C2CD2: variants seen among roughly 807,000 people sequenced by gnomAD.
C2CD2 encodes the protein C2 domain-containing protein 2.
A neutral mutation model predicts 74.3 loss-of-function variants in C2CD2; 43 were observed. That is an observed-to-expected ratio of 0.58 (90% CI 0.45 to 0.75). The LOEUF (loss-of-function observed/expected upper bound fraction) is 0.75. C2CD2 is among the 30% of genes least tolerant of loss of function. C2CD2 has a pLI of 0.00. For synonymous variants in C2CD2, 422 were observed against 390.7 expected (o/e 1.08, Z -0.94); for missense variants, 801 against 916.3 (o/e 0.87, Z 1.63).
At chr21:41,914,474 C>T (rs918607259) in intron 6 of C2CD2, 124 bp downstream of exon 6, 2 of 702,030 alleles carry the variant, frequency 2.8e-6, no homozygotes, top group Non-Finnish European at 4.5e-6. Flanking sequence ...GCAACCGTGG[C>T]AGGGCTCCCG....
chr21:41,934,200 G>A (rs534923629), intron 2 of C2CD2, among the ~76,000 whole-genome samples: 36 of 152,300 alleles, frequency 2.4e-4, no homozygotes, highest in African/African-American at 6.7e-4. Flanking sequence ...GGCAGAAGAC[G>A]ATGGATTACT....
chr21:41,919,942 G>A (rs368727189), intron 3 of C2CD2, among the ~76,000 whole-genome samples: 3 of 152,288 alleles, frequency 2.0e-5, no homozygotes, highest in East Asian at 1.9e-4. Flanking sequence ...CCTGAAGAGT[G>A]GGGGAGCACG....
chr21:41,903,674 C>T lies in C2CD2; in HGVS notation c.1433-1925G>A, dbSNP rs149976073. Among the ~76,000 whole-genome samples the T allele has an allele frequency of 1.2e-4, 18 of 152,116 alleles. No individual in the cohort carries two copies. Among genetic ancestry groups the T allele is most frequent in the Non-Finnish European group, 1.8e-4 (12 of 68,008 alleles). ...CCCAAAGCCACCAAGGGAGACGTGTCGGGAGCACGTCCTCCTCACGCCAGG... is the reference window on the plus strand; with the variant it reads ...CCCAAAGCCACCAAGGGAGACGTGTTGGGAGCACGTCCTCCTCACGCCAGG... On this transcript the variant is annotated intron_variant, in intron 11 of 13. Coordinates refer to ENST00000380486, the MANE Select transcript of C2CD2 (RefSeq NM_015500.2). This position sits in a 1 kb window ranked among gnomAD's most constrained non-coding sequence, Gnocchi z 4.5.
At chr21:41,928,475 C>A (rs1324425505) in intron 2 of C2CD2, among the ~76,000 whole-genome samples, 1 of 143,062 alleles carries the variant, frequency 7.0e-6, no homozygotes, top group African/African-American at 2.6e-5. Context: ...AATTTCACAA[C>A]CTGTTAGCAT....
chr21:41,937,974 T>C (rs2065322204), intron 2 of C2CD2, among the ~76,000 whole-genome samples: 2 of 152,158 alleles, frequency 1.3e-5, no homozygotes, highest in Non-Finnish European at 2.9e-5. Flanking sequence ...CGGGGAGGTA[T>C]TGGTTAAAGG....
rs552172662 is a variant in C2CD2 at position 41,920,856 on chromosome 21, T to A, written c.492+1116A>T. ...CTTCATTTGTGTTTGTGATCCTCTC[T>A]GGTCTCATTCAGTTCCAAAACATGC... On this transcript the variant is annotated intron_variant, in intron 3 of 13. Transcript: ENST00000380486. Among the ~76,000 whole-genome samples the A allele has an allele frequency of 2.0e-5, 3 of 152,394 alleles. No individual in the cohort carries two copies. In the South Asian group the frequency reaches 6.2e-4, roughly 32 times the overall value.
intron 2 of C2CD2, among the ~76,000 whole-genome samples, chr21:41,940,883 G>A (rs764244963): frequency 2.0e-4 from 31 of 152,200 alleles, no homozygotes; most frequent in Non-Finnish European, 3.4e-4. Context: ...ATTTCTCCAT[G>A]TGGAGCTGGC....
At chr21:41,951,044 G>A (rs912898988) in intron 1 of C2CD2, among the ~76,000 whole-genome samples, 1 of 152,164 alleles carries the variant, frequency 6.6e-6, no homozygotes, top group African/African-American at 2.4e-5. Flanking sequence ...TGGGAATGGA[G>A]GTGGGGGAGG....
Position 41,926,518 on chromosome 21 carries a change from A to C in C2CD2, c.379-4433T>G. On this transcript the variant is annotated intron_variant, in intron 2 of 13. Transcript: ENST00000380486. This position sits in a 1 kb window ranked among gnomAD's most constrained non-coding sequence, Gnocchi z 8.0. ...AGGCTGAGCGGGGAGGCCTTCATTC[A>C]CCTTCTCGGTGCTCTCTCCAGCCTC... 1.4e-6 allele frequency: 1 copy of C among 702,206 alleles called. No homozygotes were observed. Among genetic ancestry groups the C allele is most frequent in the Non-Finnish European group, 1.7e-6 (1 of 572,254 alleles). The allele number at this position is 702,206 out of a possible 1,614,324, so 43.5% of individuals were successfully genotyped here. A position where few individuals can be genotyped will look rare whatever the true frequency, so the allele number is the denominator to read the frequency against.
intron 11 of C2CD2, among the ~76,000 whole-genome samples, chr21:41,904,749 C>T (rs569598667): frequency 6.6e-6 from 1 of 152,314 alleles, no homozygotes; most frequent in South Asian, 2.1e-4. Context: ...CCCCTGACTG[C>T]CCCACCTTGC....
intron 10 of C2CD2, among the ~76,000 whole-genome samples, chr21:41,906,521 A>T (rs932035277): frequency 3.3e-5 from 5 of 152,078 alleles, no homozygotes; most frequent in African/African-American, 1.2e-4. Flanking sequence ...ACGTGCCACC[A>T]CGCCCAGTTA....
intron 1 of C2CD2, among the ~76,000 whole-genome samples, chr21:41,944,270 T>C (rs968368284): frequency 1.1e-4 from 17 of 152,152 alleles, no homozygotes; most frequent in Middle Eastern, 6.8e-3. Flanking sequence ...CCCAGCACTT[T>C]GGGAGGCCGA....
chr21:41,921,154 C>T (rs2065150001), intron 3 of C2CD2, among the ~76,000 whole-genome samples: 1 of 152,212 alleles, frequency 6.6e-6, no homozygotes, highest in Admixed American at 6.5e-5. Context: ...TACAGGATGT[C>T]ACCTTCCCTT....
chr21:41,912,569 C>A (rs1241434388), intron 6 of C2CD2, 129 bp from the exon 7 acceptor site: 1 of 390,978 alleles, frequency 2.6e-6, no homozygotes, highest in Non-Finnish European at 4.3e-6. Flanking sequence ...CGGCTCACTG[C>A]AACCTCCGCC....
chr21:41,916,922 C>T (rs528335657), intron 5 of C2CD2, among the ~76,000 whole-genome samples: 1 of 152,308 alleles, frequency 6.6e-6, no homozygotes, highest in Non-Finnish European at 1.5e-5. Flanking sequence ...AGAACAGTCA[C>T]CTCTGATGTG....
chr21:41,948,784 T>G (rs1405640646), intron 1 of C2CD2, among the ~76,000 whole-genome samples: 2 of 150,694 alleles, frequency 1.3e-5, no homozygotes, highest in Admixed American at 1.3e-4. Context: ...CTCTGAAGTC[T>G]GGTGGCCACT....
Position 41,923,173 on chromosome 21 carries a change from T to C in C2CD2, c.379-1088A>G, listed in dbSNP as rs2065174184. On this transcript the variant is annotated intron_variant, in intron 2 of 13. Coordinates refer to ENST00000380486, the MANE Select transcript of C2CD2 (RefSeq NM_015500.2). This position sits in a 1 kb window ranked among gnomAD's most constrained non-coding sequence, Gnocchi z 5.8. ...ACTACTCCCGGCTAATTTTTTGTGT[T>C]TTTAGTAGAGACGGGGTTTCACCAT... Among the ~76,000 whole-genome samples the C allele has an allele frequency of 6.6e-6, 1 of 152,044 alleles. No homozygotes were observed. The highest frequency in any genetic ancestry group is 1.5e-5 in the Non-Finnish European group (1 of 68,018).
chr21:41,896,068 G>A (rs1383441564), intron 13 of C2CD2, among the ~76,000 whole-genome samples: 2 of 152,218 alleles, frequency 1.3e-5, no homozygotes, highest in African/African-American at 2.4e-5. Flanking sequence ...GGAGGAACAC[G>A]CGGAACTAGC....
In C2CD2 at chr21:41,888,463, G is replaced by C. The variant is rs1281536056; in HGVS notation, c.*661C>G. 2 of 152,656 alleles carry C rather than the reference G, an allele frequency of 1.3e-5. No homozygotes were observed. Among genetic ancestry groups the C allele is most frequent in the African/African-American group, 4.8e-5 (2 of 41,438 alleles). The allele number at this position is 152,656 out of a possible 1,614,324, so 9.5% of individuals were successfully genotyped here. On this transcript the variant is annotated 3_prime_UTR_variant, in exon 14 of 14. Transcript: ENST00000380486. ...GTAGGCTCAAAGTAAACTTAGAAAA[G>C]TGTTCTGCATACTATGCATAGGATA... is the stretch of plus-strand genomic sequence containing the variant.
Sources: allele counts gnomAD v4.1 joint callset (sites outside exome capture counted in the v4.1 genomes callset), GRCh38; gene constraint gnomAD v4.1.1; non-coding constraint Gnocchi (gnomAD v3.1); transcripts MANE v1.5; gene names NCBI Gene and HGNC (gene_info 2026-07-23, HGNC 2026-07-21).